The following ZNF568 variants were observed in gnomAD, a reference collection of about 807,000 sequenced individuals.
ZNF568 encodes the protein zinc finger protein 568.
A neutral mutation model predicts 18.1 loss-of-function variants in ZNF568; 11 were observed. The observed-to-expected ratio is 0.61, with a 90% CI of 0.38 to 1.00. The LOEUF is 1.00. Among genes scored for constraint, ZNF568 ranks in the 50% least tolerant of loss-of-function variants. ZNF568 has a pLI of 0.01. For missense variants in ZNF568, 639 were observed against 768.2 expected, an observed-to-expected ratio of 0.83 and a Z score of 1.99; for synonymous variants, 213 against 246.6, an observed-to-expected ratio of 0.86 and a Z score of 1.28.
At chr19:36,962,472 C>T (rs773554185) in intron 6 of ZNF568, among the ~76,000 whole-genome samples, 2 of 151,642 alleles carry the variant, frequency 1.3e-5, no homozygotes, top group African/African-American at 4.8e-5. Context: ...TCCCAAGTAG[C>T]TGGGATTAGA....
chr19:36,969,094 A>G (rs2074217029), intron 6 of ZNF568, among the ~76,000 whole-genome samples: 1 of 152,132 alleles, frequency 6.6e-6, no homozygotes, highest in Non-Finnish European at 1.5e-5. Flanking sequence ...TGACCTCCTG[A>G]TCCAGCCACC....
intron 6 of ZNF568, among the ~76,000 whole-genome samples, chr19:36,961,728 G>T (rs1374407818): frequency 6.6e-6 from 1 of 152,040 alleles, no homozygotes; most frequent in Non-Finnish European, 1.5e-5. Context: ...GTGCCATATT[G>T]GCCAGGCTGG....
In ZNF568 at chr19:36,952,139, T is replaced by C; in HGVS notation, c.*1051T>C. On this transcript the variant is annotated 3_prime_UTR_variant, in exon 7 of 7. Transcript: ENST00000333987. The stretch of plus-strand genomic sequence containing the variant: ...ACAAATAATGCATAAGAAATATATA[T>C]ATAATATATGTATGTATGTATAGCC... 4.0e-6 allele frequency: 2 copies of C among 494,418 alleles called. No homozygotes were observed. Among genetic ancestry groups the C allele is most frequent in the Non-Finnish European group, 5.2e-6 (2 of 386,786 alleles). The allele number at this position is 494,418 out of a possible 1,614,324, so 30.6% of individuals were successfully genotyped here.
chr19:36,984,575 G>C (rs1191586132), downstream of ZNF568, among the ~76,000 whole-genome samples: 1 of 151,928 alleles, frequency 6.6e-6, no homozygotes, highest in African/African-American at 2.4e-5. Context: ...GATTATCCAT[G>C]TATTTACGAC....
chr19:36,978,982 C>CTTTTTT (rs750326116), intron 7 of ZNF568: 11 of 261,312 alleles, frequency 4.2e-5, no homozygotes, highest in South Asian at 1.8e-4. Flanking sequence ...TTGTAACTAT[C>CTTTTTT]TTTTTTTTTT....
chr19:36,978,581 T>C (rs1644658), intron 7 of ZNF568, among the ~76,000 whole-genome samples: 83,057 of 151,980 alleles, frequency 0.55, 23,379 homozygotes, highest in African/African-American at 0.66. Flanking sequence ...CACCCCTCAA[T>C]CTGAGTAGGT....
chr19:36,997,042 C>T (rs868000037), exon 5 of ZNF568: 1 of 1,564,164 alleles, frequency 6.4e-7, no homozygotes, highest in Non-Finnish European at 8.6e-7. Flanking sequence ...TGAGAAACCC[C>T]ATAAATGTAA....
At chr19:36,996,373 A>G (rs1294419786) in exon 5 of ZNF568, 22 of 1,535,296 alleles carry the variant, frequency 1.4e-5, no homozygotes, top group Non-Finnish European at 1.9e-5. Context: ...CATTTATGAA[A>G]TTAGATCACC....
chr19:36,927,888 T>TA (rs2073598746), intron 4 of ZNF568, among the ~76,000 whole-genome samples: 14 of 8,206 alleles, frequency 1.7e-3, no homozygotes, highest in South Asian at 6.0e-3. Context: ...ATATATATAT[T>TA]ATATATATAT....
intron 3 of ZNF568, chr19:36,991,355 T>G: frequency 1.4e-6 from 2 of 1,460,276 alleles, no homozygotes; most frequent in Non-Finnish European, 1.8e-6. Context: ...ACAATTGGCC[T>G]TCTGGAATTC....
exon 5 of ZNF568, chr19:36,996,784 A>G: frequency 6.4e-7 from 1 of 1,552,214 alleles, no homozygotes; most frequent in Non-Finnish European, 8.7e-7. Context: ...TACTGGAGAG[A>G]AACCTCATAA....
chr19:36,933,898 GGTTTTTTTTTTTGTTTTGTTTTTTT>G (rs1172828601), intron 4 of ZNF568, among the ~76,000 whole-genome samples: 11 of 25,776 alleles, frequency 4.3e-4, no homozygotes, highest in African/African-American at 2.0e-3. Flanking sequence ...CTTTTGGGTA[GGTTTTTTTTTTTGTTTTGTTTTTTT>G]GTTTTTTTTT....
At chr19:36,988,021 A>G (rs933110133) in intron 2 of ZNF568, among the ~76,000 whole-genome samples, 1 of 152,144 alleles carries the variant, frequency 6.6e-6, no homozygotes, top group East Asian at 1.9e-4. Context: ...TTTCTCTAGG[A>G]GAAACCTAGG....
intron 6 of ZNF568, among the ~76,000 whole-genome samples, chr19:36,957,847 A>C (rs1223930459): frequency 6.6e-6 from 1 of 152,220 alleles, no homozygotes; most frequent in African/African-American, 2.4e-5. Flanking sequence ...AAGTATTTCA[A>C]GTCTCTTTAC....
chr19:36,925,490 C>A lies in ZNF568; in HGVS notation c.135+232C>A, dbSNP rs1258269218. ...TTAAATATGATCTGGACAGTCAAAG[C>A]AAACTGGGACACTTAAGTTTATTCC... On this transcript the variant is annotated intron_variant, in intron 4 of 6. Transcript: ENST00000333987. Among the ~76,000 whole-genome samples, 4 of 152,172 alleles carry A rather than the reference C, an allele frequency of 2.6e-5. No individual in the cohort carries two copies. In the South Asian group the frequency reaches 6.2e-4, roughly 24 times the overall value.
chr19:36,951,195 G>A lies in ZNF568; in HGVS notation c.*107G>A. ...GAAAAATTTTAATACTTTGTTAAAA[G>A]GTGTAAGACTGGAATAAATGGAAAG... On this transcript the variant is annotated 3_prime_UTR_variant, in exon 7 of 7. Transcript: ENST00000333987. 1 of 1,100,202 alleles carries A rather than the reference G, an allele frequency of 9.1e-7. No individual in the cohort carries two copies. Among genetic ancestry groups the A allele is most frequent in the Non-Finnish European group, 1.2e-6 (1 of 814,412 alleles). 68.2% of individuals were successfully genotyped at this position (1,100,202 alleles called of 1,614,324 possible). A position where few individuals can be genotyped will look rare whatever the true frequency, so the allele number is the denominator to read the frequency against.
exon 5 of ZNF568, chr19:36,996,695 A>G (rs1307728995): frequency 5.2e-6 from 8 of 1,536,058 alleles, no homozygotes; most frequent in Admixed American, 3.9e-5. Context: ...CAGACGCTTC[A>G]TGAAAGCAAA....
At chr19:36,945,311 A>G (rs533863) in intron 6 of ZNF568, among the ~76,000 whole-genome samples, 86,001 of 150,758 alleles carry the variant, frequency 0.57, 25,396 homozygotes, top group African/African-American at 0.7. Context: ...AAACTGCACG[A>G]GTCCACTTAC....
At chr19:36,965,491 AG>A (rs1171418297) in intron 6 of ZNF568, among the ~76,000 whole-genome samples, 1 of 152,204 alleles carries the variant, frequency 6.6e-6, no homozygotes, top group African/African-American at 2.4e-5. Context: ...TTTTGGAACC[AG>A]CTAGCCACCT....
Sources: allele counts gnomAD v4.1 joint callset (sites outside exome capture counted in the v4.1 genomes callset), GRCh38; gene constraint gnomAD v4.1.1; transcripts MANE v1.5; gene names NCBI Gene and HGNC (gene_info 2026-07-23, HGNC 2026-07-21).